Variants in TMEM218 observed in about 807,000 individuals in gnomAD.
TMEM218 encodes the protein transmembrane protein 218.
A neutral mutation model predicts 10.0 loss-of-function variants in TMEM218; 8 were observed. The ratio of observed to expected loss-of-function variants is 0.80; its 90% CI spans 0.47 to 1.44. The LOEUF is 1.44. Among genes scored for constraint, TMEM218 ranks in the 40% most tolerant of loss-of-function variants. The probability of loss-of-function intolerance (pLI) is 0.00; values close to 1 mark genes in which losing one functional copy is unlikely to be tolerated. For missense variants in TMEM218, 110 were observed against 140.1 expected (o/e 0.79, Z 1.08); for synonymous variants, 66 against 63.5 (o/e 1.04, Z -0.18).
At chr11:125,106,967 A>G (rs533724340) in intron 1 of TMEM218, among the ~76,000 whole-genome samples, 2 of 152,346 alleles carry the variant, frequency 1.3e-5, no homozygotes, top group South Asian at 4.1e-4. Context: ...ATTCATTCAT[A>G]CAGTATATAA....
Position 125,101,686 on chromosome 11 carries a change from G to A in TMEM218, c.111-383C>T, listed in dbSNP as rs1043139689. On this transcript the variant is annotated intron_variant, in intron 3 of 4. Coordinates refer to ENST00000682305, the MANE Select transcript of TMEM218 (RefSeq NM_001258244.2). ...CATACTAACACTGTCTTGCCAGAGT[G>A]CAACTCTAGTGTTTTCAGAGTCGGT... 4 of 564,176 alleles carry A rather than the reference G, an allele frequency of 7.1e-6. No individual in the cohort carries two copies. In the African/African-American group the frequency reaches 7.6e-5, roughly 11 times the overall value. 34.9% of individuals were successfully genotyped at this position (564,176 alleles called of 1,614,324 possible).
At chr11:125,104,604 G>C (rs560990077) in intron 1 of TMEM218, 4 of 152,350 alleles carry the variant, frequency 2.6e-5, no homozygotes, top group African/African-American at 9.6e-5. Context: ...CACGAAGGCA[G>C]AGACCTGATA....
rs561485381 is a variant in TMEM218, at chr11:125,096,260, T to G, written c.*1346A>C. Among the ~76,000 whole-genome samples, 6 of 152,192 alleles carry G rather than the reference T, an allele frequency of 3.9e-5. No individual in the cohort carries two copies. The highest frequency in any genetic ancestry group is 8.8e-5 in the Non-Finnish European group (6 of 68,032). On this transcript the variant is annotated 3_prime_UTR_variant, in exon 5 of 5. Coordinates refer to ENST00000682305, the MANE Select transcript of TMEM218 (RefSeq NM_001258244.2). ...TTCTCTCTTCTTGGAATTTAGAGCTTAGTTGCCTGTGGGGTGGCAGGACTG... is the reference window on the plus strand; with the variant it reads ...TTCTCTCTTCTTGGAATTTAGAGCTGAGTTGCCTGTGGGGTGGCAGGACTG...
chr11:125,101,470 A>G, intron 3 of TMEM218, 167 bp from the exon 4 acceptor site: 1 of 1,532,514 alleles, frequency 6.5e-7, no homozygotes, highest in Non-Finnish European at 8.7e-7. Context: ...CCTTCTTCCT[A>G]GACAGGTACC....
intron 1 of TMEM218, among the ~76,000 whole-genome samples, chr11:125,106,407 C>T (rs943584704): frequency 6.6e-5 from 10 of 152,066 alleles, no homozygotes; most frequent in African/African-American, 2.2e-4. Context: ...AACCTAACAA[C>T]AAAACCTCCA....
chr11:125,102,492 G>A, intron 2 of TMEM218, 175 bp from the exon 3 acceptor site: 2 of 1,459,646 alleles, frequency 1.4e-6, no homozygotes, highest in Non-Finnish European at 9.0e-7. Flanking sequence ...TTTCTCTTTG[G>A]TGGGGACTGA....
At chr11:125,098,120 A>G (rs1388783174) in intron 4 of TMEM218, among the ~76,000 whole-genome samples, 1 of 152,216 alleles carries the variant, frequency 6.6e-6, no homozygotes, top group African/African-American at 2.4e-5. Context: ...AGAATTTTAA[A>G]CATACATAAA....
Position 125,097,438 on chromosome 11 carries a change from C to T in TMEM218, c.*168G>A, listed in dbSNP as rs1181899927. 1 of 676,162 alleles carries T rather than the reference C, an allele frequency of 1.5e-6. No individual in the cohort carries two copies. Among genetic ancestry groups the T allele is most frequent in the Admixed American group, 3.3e-5 (1 of 30,388 alleles). 41.9% of individuals were successfully genotyped at this position (676,162 alleles called of 1,614,324 possible). A position where few individuals can be genotyped will look rare whatever the true frequency, so the allele number is the denominator to read the frequency against. ...AGCCCCACAGGGACAATTTGGCAATCCTGTTTCTGGAAGCCAGGACTCCAG... is the reference window on the plus strand; with the variant it reads ...AGCCCCACAGGGACAATTTGGCAATTCTGTTTCTGGAAGCCAGGACTCCAG... On this transcript the variant is annotated 3_prime_UTR_variant, in exon 5 of 5. Coordinates refer to ENST00000682305, the MANE Select transcript of TMEM218 (RefSeq NM_001258244.2).
chr11:125,104,092 C>A (rs143221631), intron 1 of TMEM218: 1 of 152,100 alleles, frequency 6.6e-6, no homozygotes, highest in Non-Finnish European at 1.5e-5. Flanking sequence ...ATGGTAAAAG[C>A]GAAGTGCAGT....
chr11:125,106,650 C>T (rs1952242133), intron 1 of TMEM218, among the ~76,000 whole-genome samples: 3 of 152,332 alleles, frequency 2.0e-5, no homozygotes, highest in Middle Eastern at 6.8e-3. Context: ...CATATACCCA[C>T]CAGAATGGCT....
At chr11:125,098,676 T>C (rs1175214930) in intron 4 of TMEM218, among the ~76,000 whole-genome samples, 1 of 152,212 alleles carries the variant, frequency 6.6e-6, no homozygotes, top group South Asian at 2.1e-4. Flanking sequence ...ATTGTGAATA[T>C]GTTAGATTAT....
rs1417251186 is a variant in TMEM218 at position 125,095,540 on chromosome 11, C to G, written c.*2066G>C. On this transcript the variant is annotated 3_prime_UTR_variant, in exon 5 of 5. Coordinates refer to ENST00000682305, the MANE Select transcript of TMEM218 (RefSeq NM_001258244.2). ...ATTGAGTATGCAGGTAGAAAGAAAT[C>G]TATCATTCATTTCACCACAGCTGGT... 1.3e-5 allele frequency among the ~76,000 whole-genome samples: 2 copies of G among 152,060 alleles called. No individual in the cohort carries two copies. Among genetic ancestry groups the G allele is most frequent in the African/African-American group, 4.8e-5 (2 of 41,378 alleles).
In TMEM218 at chr11:125,097,642, C is replaced by T. The variant is rs1949832218; in HGVS notation, c.312G>A (p.Leu104=). The change falls in exon 5 of 5, where the codon CTG becomes CTA. Residue 104 remains leucine (L), a synonymous_variant. Coordinates refer to ENST00000682305, the MANE Select transcript of TMEM218 (RefSeq NM_001258244.2). ...GCAGTGGTTTGGCATAGATCGGCTC[C>T]AGAACATAATGGATTAAAACCAAGA... ...GLFLVLIHYV[L]EPIYAKPLHS... 1 of 1,613,970 alleles carries T rather than the reference C, an allele frequency of 6.2e-7. No homozygotes were observed.
At chr11:125,101,641 A>T (rs1443819510) in intron 3 of TMEM218, 4 of 657,242 alleles carry the variant, frequency 6.1e-6, no homozygotes, top group Non-Finnish European at 7.4e-6. Flanking sequence ...TACTTTAGAA[A>T]ATTCTACAAC....
rs1949393538 is a variant in TMEM218 at position 125,094,580 on chromosome 11, TAATTAACTGTG to T, written c.*3015_*3025del. Among the ~76,000 whole-genome samples, 1 of 152,242 alleles carries T rather than the reference TAATTAACTGTG, an allele frequency of 6.6e-6. No individual in the cohort carries two copies. Among genetic ancestry groups the T allele is most frequent in the African/African-American group, 2.4e-5 (1 of 41,460 alleles). ...TGATGTCAAGTTGGAGCCCCACTTC[TAATTAACTGTG>T]AAACTTTTTAAATCCCTTGTCCTCT... On this transcript the variant is annotated 3_prime_UTR_variant, in exon 5 of 5. Coordinates refer to ENST00000682305, the MANE Select transcript of TMEM218 (RefSeq NM_001258244.2).
At chr11:125,110,877 T>C (rs990953766) in intron 1 of TMEM218, 7 of 144,222 alleles carry the variant, frequency 4.9e-5, no homozygotes, top group African/African-American at 1.8e-4. Flanking sequence ...TTTCACACTT[T>C]TATGTTTCTA....
chr11:125,102,518 T>C (rs997083143), intron 2 of TMEM218: 1 of 1,442,746 alleles, frequency 6.9e-7, no homozygotes, highest in African/African-American at 1.4e-5. Flanking sequence ...TGTTTTCCGC[T>C]CTGCGCTCAG....
intron 2 of TMEM218, 128 bp from the exon 3 acceptor site, chr11:125,102,445 T>C: frequency 6.7e-7 from 1 of 1,490,094 alleles, no homozygotes; most frequent in Non-Finnish European, 8.8e-7. Context: ...AGTCCCAGAG[T>C]CCCTTAATGG....
In TMEM218 at chr11:125,102,422, T is replaced by C. The variant is rs1000768039; in HGVS notation, c.-76-105A>G. 3.2e-5 allele frequency: 48 copies of C among 1,497,480 alleles called. No individual in the cohort carries two copies. The East Asian group carries it at 1.1e-3, about 35-fold the overall frequency. The allele number at this position is 1,497,480 out of a possible 1,614,324, so 92.8% of individuals were successfully genotyped here. On this transcript the variant is annotated intron_variant, in intron 2 of 4. Coordinates refer to ENST00000682305, the MANE Select transcript of TMEM218 (RefSeq NM_001258244.2). ...GATTACTCAGTACAGGTCATTAATT[T>C]TCAGAAATGTCCAGTCCCAGAGTCC...
Sources: allele counts gnomAD v4.1 joint callset (sites outside exome capture counted in the v4.1 genomes callset), GRCh38; gene constraint gnomAD v4.1.1; transcripts MANE v1.5; gene names NCBI Gene and HGNC (gene_info 2026-07-23, HGNC 2026-07-21).